AFF3: variants seen among roughly 807,000 people sequenced by gnomAD.
AFF3 encodes the protein AF4/FMR2 family member 3.
A neutral mutation model predicts 129.7 loss-of-function variants in AFF3; 32 were observed. The observed-to-expected ratio is 0.25, with a 90% CI of 0.19 to 0.33. The LOEUF is 0.33. Ranked by LOEUF, AFF3 falls within the 10% of genes least tolerant of loss-of-function variation. The pLI, the probability that AFF3 is intolerant of heterozygous loss-of-function variation, is 1.00. For synonymous variants in AFF3, 644 were observed against 635.4 expected (o/e 1.01, Z -0.20); for missense variants, 1,373 against 1,592.0 (o/e 0.86, Z 2.34).
At chr2:99,618,434 C>T (rs529812617) in intron 13 of AFF3, among the ~76,000 whole-genome samples, 1 of 152,004 alleles carries the variant, frequency 6.6e-6, no homozygotes, top group South Asian at 2.1e-4. Context: ...CGGAGTTTTG[C>T]CATGTTGGCC....
intron 2 of AFF3, among the ~76,000 whole-genome samples, chr2:100,111,419 A>G (rs1259266883): frequency 6.6e-6 from 1 of 152,278 alleles, no homozygotes; most frequent in Non-Finnish European, 1.5e-5. Flanking sequence ...AAGTTAATTA[A>G]TAAGAAACTC....
At chr2:99,821,997 G>T (rs1029170925) in intron 8 of AFF3, among the ~76,000 whole-genome samples, 8 of 151,996 alleles carry the variant, frequency 5.3e-5, no homozygotes, top group Admixed American at 5.2e-4. Flanking sequence ...CCCAAAAGAA[G>T]AATTTATTCC....
At chr2:99,803,886 G>A (rs1026639841) in intron 8 of AFF3, among the ~76,000 whole-genome samples, 2 of 152,028 alleles carry the variant, frequency 1.3e-5, no homozygotes, top group Non-Finnish European at 2.9e-5. Flanking sequence ...CACATGTAGA[G>A]GAATGAAACT....
At chr2:99,648,917 A>ACACACTCTCTCTCTCTCTCTCTCTCT in intron 13 of AFF3, among the ~76,000 whole-genome samples, 3 of 46,872 alleles carry the variant, frequency 6.4e-5, no homozygotes, top group African/African-American at 1.9e-4. Context: ...ACACACACAC[A>ACACACTCTCTCTCTCTCTCTCTCTCT]CTCTCTCTCT....
At chr2:99,987,833 A>G (rs1680000271) in intron 7 of AFF3, among the ~76,000 whole-genome samples, 1 of 152,214 alleles carries the variant, frequency 6.6e-6, no homozygotes, top group African/African-American at 2.4e-5. Flanking sequence ...AAAGTGTATT[A>G]TTTTCTCAAT....
intron 8 of AFF3, among the ~76,000 whole-genome samples, chr2:99,799,015 C>A (rs1685744689): frequency 6.6e-6 from 1 of 151,862 alleles, no homozygotes; most frequent in African/African-American, 2.4e-5. Flanking sequence ...GTTAGTTTCA[C>A]AAAGTTGCAG....
At chr2:100,072,588 TA>T (rs1402550889) in intron 4 of AFF3, among the ~76,000 whole-genome samples, 1 of 152,118 alleles carries the variant, frequency 6.6e-6, no homozygotes, top group African/African-American at 2.4e-5. Context: ...GTCCTACTGG[TA>T]AAGCCTGCAA....
intron 7 of AFF3, among the ~76,000 whole-genome samples, chr2:99,925,566 G>T (rs1696175730): frequency 6.6e-6 from 1 of 152,192 alleles, no homozygotes; most frequent in Non-Finnish European, 1.5e-5. Context: ...GCTCTGCCAT[G>T]AGTCTTAGGC....
At chr2:99,987,726 T>C (rs1304027192) in intron 7 of AFF3, among the ~76,000 whole-genome samples, 1 of 152,224 alleles carries the variant, frequency 6.6e-6, no homozygotes, top group Non-Finnish European at 1.5e-5. Context: ...AAGGTTCACC[T>C]GTGAGCCTAC....
In AFF3 at chr2:99,673,424, G is replaced by A. The variant is rs145762674; in HGVS notation, c.1092-835C>T. On this transcript the variant is annotated intron_variant, in intron 11 of 24. Transcript: ENST00000672756. Reference sequence around the variant, plus strand: ...AGCACGAGGTTAAAAGTGAAAAAAAGAAACAGAACTTCAGACTCTGTTATT... The same window carrying A: ...AGCACGAGGTTAAAAGTGAAAAAAAAAAACAGAACTTCAGACTCTGTTATT... Among the ~76,000 whole-genome samples, 356 of 152,258 alleles carry A rather than the reference G, an allele frequency of 2.3e-3. 1 individual carries two copies. The highest frequency in any genetic ancestry group is 8.3e-3 in the African/African-American group (344 of 41,566).
chr2:99,712,454 C>G (rs1677977189), intron 11 of AFF3, among the ~76,000 whole-genome samples: 1 of 152,208 alleles, frequency 6.6e-6, no homozygotes, highest in African/African-American at 2.4e-5. Flanking sequence ...AGAAACATGG[C>G]AGGGGCCCAG....
chr2:99,638,995 A>ATTT (rs989174073), intron 13 of AFF3, among the ~76,000 whole-genome samples: 4 of 152,126 alleles, frequency 2.6e-5, no homozygotes, highest in African/African-American at 9.7e-5. Context: ...TTAAAACTGA[A>ATTT]TTTCACCCGG....
intron 7 of AFF3, among the ~76,000 whole-genome samples, chr2:99,991,416 G>A (rs918741997): frequency 1.3e-5 from 2 of 152,090 alleles, no homozygotes; most frequent in Non-Finnish European, 1.5e-5. Flanking sequence ...TGTTCCTCTC[G>A]ATAAAACAGC....
intron 8 of AFF3, among the ~76,000 whole-genome samples, chr2:99,759,691 C>G (rs1682419653): frequency 6.6e-6 from 1 of 152,136 alleles, no homozygotes; most frequent in Non-Finnish European, 1.5e-5. Flanking sequence ...AGAATTATTT[C>G]TATGATTTTA....
chr2:99,887,214 A>G (rs936048382), intron 7 of AFF3, among the ~76,000 whole-genome samples: 2 of 152,208 alleles, frequency 1.3e-5, no homozygotes, highest in Admixed American at 1.3e-4. Context: ...GTCTAAGGCA[A>G]ATAGCAGCTG....
At chr2:99,924,963 C>G (rs1696119810) in intron 7 of AFF3, among the ~76,000 whole-genome samples, 1 of 151,668 alleles carries the variant, frequency 6.6e-6, no homozygotes, top group African/African-American at 2.4e-5. Flanking sequence ...GCAGCCTTGA[C>G]CTTCCGGGCT....
intron 1 of AFF3, among the ~76,000 whole-genome samples, chr2:100,135,867 C>A (rs748609294): frequency 2.6e-5 from 4 of 152,170 alleles, no homozygotes; most frequent in Non-Finnish European, 5.9e-5. Context: ...ACCATAGGAT[C>A]TAGGACCAGG....
intron 2 of AFF3, among the ~76,000 whole-genome samples, chr2:100,114,992 A>G (rs1032041708): frequency 6.6e-6 from 1 of 152,214 alleles, no homozygotes; most frequent in African/African-American, 2.4e-5. Flanking sequence ...TCTATGAGAG[A>G]GTCCTCAAAA....
At chr2:99,976,246 C>G (rs998741571) in intron 7 of AFF3, among the ~76,000 whole-genome samples, 1 of 152,070 alleles carries the variant, frequency 6.6e-6, no homozygotes, top group African/African-American at 2.4e-5. Flanking sequence ...TTACTCTACC[C>G]CTTTACAAAA....
Sources: allele counts gnomAD v4.1 joint callset (sites outside exome capture counted in the v4.1 genomes callset), GRCh38; gene constraint gnomAD v4.1.1; transcripts MANE v1.5; gene names NCBI Gene and HGNC (gene_info 2026-07-23, HGNC 2026-07-21).